RAB3IP: variants seen among roughly 807,000 people sequenced by gnomAD.
RAB3IP encodes the protein RAB3A interacting protein.
In RAB3IP, 36 loss-of-function variants were observed where a neutral mutation model predicts 59.1. The ratio of observed to expected loss-of-function variants is 0.61; its 90% CI spans 0.47 to 0.80. The LOEUF (loss-of-function observed/expected upper bound fraction) is 0.80, where lower values mean the gene tolerates loss of function less well. Among genes scored for constraint, RAB3IP ranks in the 30% least tolerant of loss-of-function variants. The pLI is 0.00. For missense variants in RAB3IP, 511 were observed against 536.0 expected (o/e 0.95, Z 0.46); for synonymous variants, 207 against 191.2 (o/e 1.08, Z -0.68).
At chr12:69,743,226 T>C (rs555575298) in intron 1 of RAB3IP, among the ~76,000 whole-genome samples, 2 of 152,194 alleles carry the variant, frequency 1.3e-5, no homozygotes, top group Non-Finnish European at 2.9e-5. Context: ...AGTAATAGTA[T>C]TGAATATTTG....
chr12:69,804,889 T>C (rs1327315708), intron 8 of RAB3IP, among the ~76,000 whole-genome samples: 3 of 151,966 alleles, frequency 2.0e-5, no homozygotes, highest in Non-Finnish European at 2.9e-5. Flanking sequence ...TGCTGTTTTG[T>C]TTACTGTAGC....
At chr12:69,758,595 ATTG>A (rs1870606595) in intron 3 of RAB3IP, among the ~76,000 whole-genome samples, 1 of 152,046 alleles carries the variant, frequency 6.6e-6, no homozygotes, top group Non-Finnish European at 1.5e-5. Flanking sequence ...TTGTGCAATA[ATTG>A]TTGTATGTTT....
rs1196037431 is a variant in RAB3IP at position 69,817,238 on chromosome 12, A to G, written c.*1792A>G. 6.6e-6 allele frequency: 1 copy of G among 152,208 alleles called. No homozygotes were observed. The highest frequency in any genetic ancestry group is 1.5e-5 in the Non-Finnish European group (1 of 68,028). 9.4% of individuals were successfully genotyped at this position (152,208 alleles called of 1,614,324 possible). On this transcript the variant is annotated 3_prime_UTR_variant, in exon 11 of 11. Transcript: ENST00000247833. ...AAATCAGTATACCCATTAATAATAA[A>G]TCTTTAGTAATCTATAAGGGGAAGA...
chr12:69,745,645 T>G (rs1168212433), intron 1 of RAB3IP, among the ~76,000 whole-genome samples: 1 of 152,204 alleles, frequency 6.6e-6, no homozygotes, highest in Non-Finnish European at 1.5e-5. Context: ...ACATTATTAT[T>G]CTGTTTGGAT....
intron 4 of RAB3IP, among the ~76,000 whole-genome samples, chr12:69,789,134 TAAGTCC>T (rs1351833615): frequency 6.6e-6 from 1 of 151,702 alleles, no homozygotes; most frequent in Non-Finnish European, 1.5e-5. Context: ...GAGAACAAAC[TAAGTCC>T]AAACTTAGCA....
intron 1 of RAB3IP, among the ~76,000 whole-genome samples, chr12:69,754,328 T>C (rs377626045): frequency 8.7e-6 from 1 of 115,210 alleles, no homozygotes; most frequent in African/African-American, 3.3e-5. Context: ...CACACACACA[T>C]ACACAGATAC....
intron 3 of RAB3IP, among the ~76,000 whole-genome samples, chr12:69,783,409 C>T (rs1266355289): frequency 2.0e-5 from 3 of 152,272 alleles, no homozygotes; most frequent in East Asian, 3.9e-4. Context: ...CACTCCCTTC[C>T]CTCTTTATAT....
intron 3 of RAB3IP, among the ~76,000 whole-genome samples, chr12:69,781,134 A>G (rs1459922765): frequency 6.6e-6 from 1 of 151,236 alleles, no homozygotes; most frequent in Non-Finnish European, 1.5e-5. Context: ...TTTAAAAATA[A>G]TATGTGTTAT....
chr12:69,760,805 T>G (rs1309035944), intron 3 of RAB3IP, among the ~76,000 whole-genome samples: 1 of 152,298 alleles, frequency 6.6e-6, no homozygotes, highest in East Asian at 1.9e-4. Flanking sequence ...GTATTAGGTC[T>G]TTTCTCTCTG....
intron 1 of RAB3IP, among the ~76,000 whole-genome samples, chr12:69,742,934 ATTAC>A (rs1267900698): frequency 6.6e-6 from 1 of 152,250 alleles, no homozygotes; most frequent in Non-Finnish European, 1.5e-5. Context: ...GTAAACTGAT[ATTAC>A]TTAGAGGAAA....
intron 1 of RAB3IP, among the ~76,000 whole-genome samples, chr12:69,751,224 T>G (rs1869227158): frequency 6.6e-6 from 1 of 152,214 alleles, no homozygotes; most frequent in Non-Finnish European, 1.5e-5. Context: ...TTATCCTTTT[T>G]GATGTTCAGA....
At chr12:69,815,230 G>A (rs1444988996) in intron 10 of RAB3IP, 134 bp from the exon 11 acceptor site, 3 of 622,348 alleles carry the variant, frequency 4.8e-6, no homozygotes, top group Non-Finnish European at 8.2e-6. Context: ...AAGTTTATGT[G>A]AATTATTGAA....
At chr12:69,764,938 C>T (rs1167024630) in intron 3 of RAB3IP, among the ~76,000 whole-genome samples, 1 of 152,042 alleles carries the variant, frequency 6.6e-6, no homozygotes, top group Non-Finnish European at 1.5e-5. Context: ...TTTGCTCTCA[C>T]CTTGAATGTT....
At position 69,815,508 on chromosome 12, in the gene RAB3IP, T is replaced by C; in HGVS notation, c.*62T>C. The C allele has an allele frequency of 8.6e-7, 1 of 1,162,424 alleles. No individual in the cohort carries two copies. The highest frequency in any genetic ancestry group is 1.3e-6 in the Non-Finnish European group (1 of 777,506). The allele number at this position is 1,162,424 out of a possible 1,614,324, so 72.0% of individuals were successfully genotyped here. On this transcript the variant is annotated 3_prime_UTR_variant, in exon 11 of 11. Coordinates refer to ENST00000247833, the MANE Select transcript of RAB3IP (RefSeq NM_022456.5). ...ACTGAAAAATGGCTGAATATTTTTA[T>C]GGTTACTTGATATTTATTTCCAAGG...
chr12:69,815,439 A>G lies in RAB3IP; in HGVS notation c.1376A>G (p.Glu459Gly). 1 of 1,609,516 alleles carries G rather than the reference A, an allele frequency of 6.2e-7. No individual in the cohort carries two copies. The highest frequency in any genetic ancestry group is 8.5e-7 in the Non-Finnish European group (1 of 1,175,874). The change falls in exon 11 of 11, where the codon GAA becomes GGA. Residue 459 changes from glutamate to glycine, a missense_variant. Transcript: ENST00000247833. ...SLAKLGYFKE[E>G]L The stretch of plus-strand genomic sequence containing the variant: ...GCAAAGCTGGGTTATTTCAAAGAGG[A>G]ACTCTGATGCTCTGCGTGGGACCAT...
In RAB3IP at chr12:69,820,555, A is replaced by G. The variant is rs1215958253; in HGVS notation, c.*5109A>G. The G allele has an allele frequency of 4.5e-5, 4 of 88,786 alleles. No individual in the cohort carries two copies. Among genetic ancestry groups the G allele is most frequent in the Admixed American group, 2.0e-4 (2 of 10,174 alleles). 5.5% of individuals were successfully genotyped at this position (88,786 alleles called of 1,614,324 possible). On this transcript the variant is annotated 3_prime_UTR_variant, in exon 11 of 11. Coordinates refer to ENST00000247833, the MANE Select transcript of RAB3IP (RefSeq NM_022456.5). ...TGAGTGGCTTCCCATTGCACTTAGA[A>G]AAAAAAAAAAAAAAAAAAACTGGCC...
chr12:69,744,382 A>G (rs2136098897), intron 1 of RAB3IP, among the ~76,000 whole-genome samples: 1 of 152,180 alleles, frequency 6.6e-6, no homozygotes, highest in South Asian at 2.1e-4. Flanking sequence ...TCAACATAAC[A>G]CACTGCAATA....
chr12:69,768,350 G>A (rs1872566682), intron 3 of RAB3IP, among the ~76,000 whole-genome samples: 2 of 152,234 alleles, frequency 1.3e-5, no homozygotes, highest in Admixed American at 1.3e-4. Flanking sequence ...ATATGGAGTG[G>A]AGAGAGCTCT....
At chr12:69,781,360 A>G (rs1229175756) in intron 3 of RAB3IP, among the ~76,000 whole-genome samples, 3 of 152,200 alleles carry the variant, frequency 2.0e-5, no homozygotes, top group East Asian at 3.9e-4. Flanking sequence ...TAAAATTAAT[A>G]CACCTCCATT....
Sources: allele counts gnomAD v4.1 joint callset (sites outside exome capture counted in the v4.1 genomes callset), GRCh38; gene constraint gnomAD v4.1.1; transcripts MANE v1.5; gene names NCBI Gene and HGNC (gene_info 2026-07-23, HGNC 2026-07-21).